Variants in LYPD1 observed in about 807,000 individuals in gnomAD.
The protein encoded by LYPD1 is LY6/PLAUR domain containing 1, also known as ly6/PLAUR domain-containing protein 1.
In LYPD1, 14 loss-of-function variants were observed where a neutral mutation model predicts 14.2. That is an observed-to-expected ratio of 0.99 (90% confidence interval 0.65 to 1.54). The LOEUF is 1.54. Among genes scored for constraint, LYPD1 ranks in the 40% most tolerant of loss-of-function variants. The pLI, the probability that LYPD1 is intolerant of heterozygous loss-of-function variation, is 0.00. For missense variants in LYPD1, 165 were observed against 175.7 expected, an observed-to-expected ratio of 0.94 and a Z score of 0.34; for synonymous variants, 85 against 70.6, an observed-to-expected ratio of 1.20 and a Z score of -1.02.
At chr2:132,652,388 G>A (rs1682393169) in intron 2 of LYPD1, among the ~76,000 whole-genome samples, 1 of 152,170 alleles carries the variant, frequency 6.6e-6, no homozygotes, top group Non-Finnish European at 1.5e-5. Flanking sequence ...GACTGGTTTT[G>A]AGTAGGATTT....
At position 132,668,411 on chromosome 2, in the gene LYPD1, T is replaced by A. The variant is rs1015813573; in HGVS notation, c.179A>T (p.Glu60Val). Residue 60 changes from glutamate to valine, a missense_variant, in exon 2 of 3, where the codon GAG (glutamate) becomes GTG (valine). Coordinates refer to ENST00000397463, the MANE Select transcript of LYPD1 (RefSeq NM_144586.7). The part of the protein sequence containing the change: ...VQDMCQKEVM[E>V]QSAGIMYRKS... ...TGCCAGGCTCTTACCGGCACTTTGC[T>A]CCATCACTTCTTTCTGACACATGTC... The A allele has an allele frequency of 1.2e-6, 2 of 1,604,490 alleles. No individual in the cohort carries two copies.
At chr2:132,658,795 C>A (rs973237630) in intron 2 of LYPD1, among the ~76,000 whole-genome samples, 1 of 152,080 alleles carries the variant, frequency 6.6e-6, no homozygotes, top group African/African-American at 2.4e-5. Flanking sequence ...TGGGTGAGGA[C>A]CAGGGGGCAT....
chr2:132,660,125 T>C (rs191919472), intron 2 of LYPD1, among the ~76,000 whole-genome samples: 5 of 152,310 alleles, frequency 3.3e-5, no homozygotes, highest in Admixed American at 3.3e-4. Context: ...CACAAAGAAG[T>C]CCAAGAAATA....
chr2:132,645,164 C>T lies in LYPD1; in HGVS notation c.*881G>A, dbSNP rs749641131. 9.3e-6 allele frequency: 15 copies of T among 1,614,038 alleles called. No individual in the cohort carries two copies. Among genetic ancestry groups the T allele is most frequent in the Middle Eastern group, 1.6e-4 (1 of 6,084 alleles). Reference sequence around the variant, plus strand: ...AACCAGATTCGGAGGATCATGGCTGCGGCCAAACCCAAGCACGACTGGACG... The same window carrying T: ...AACCAGATTCGGAGGATCATGGCTGTGGCCAAACCCAAGCACGACTGGACG... On this transcript the variant is annotated 3_prime_UTR_variant, in exon 3 of 3. Transcript: ENST00000397463.
intron 2 of LYPD1, among the ~76,000 whole-genome samples, chr2:132,661,941 G>A (rs1221022981): frequency 1.8e-4 from 25 of 142,428 alleles, no homozygotes; most frequent in African/African-American, 5.0e-4. Flanking sequence ...CACCACAGCG[G>A]AAAAAAAAAA....
Position 132,646,472 on chromosome 2 carries a change from C to G in LYPD1, c.191-192G>C, listed in dbSNP as rs1438716750. On this transcript the variant is annotated intron_variant, in intron 2 of 2. Transcript: ENST00000397463. ...ATGGTGAAAGAGACAGGCACTATTTCATTAGTTTTAACAAAACTGTTCCAA... is the reference window on the plus strand; with the variant it reads ...ATGGTGAAAGAGACAGGCACTATTTGATTAGTTTTAACAAAACTGTTCCAA... 1.2e-5 allele frequency: 5 copies of G among 406,706 alleles called. 1 individual carries two copies. Among genetic ancestry groups the G allele is most frequent in the Non-Finnish European group, 2.2e-5 (5 of 231,538 alleles). The allele number at this position is 406,706 out of a possible 1,614,324, so 25.2% of individuals were successfully genotyped here.
chr2:132,658,262 A>G (rs1682720308), intron 2 of LYPD1, among the ~76,000 whole-genome samples: 1 of 152,238 alleles, frequency 6.6e-6, no homozygotes, highest in Admixed American at 6.5e-5. Flanking sequence ...TCACCTATGT[A>G]GACTATCTTG....
intron 2 of LYPD1, among the ~76,000 whole-genome samples, chr2:132,654,462 C>A (rs957438045): frequency 3.3e-5 from 5 of 151,850 alleles, no homozygotes; most frequent in Non-Finnish European, 4.4e-5. Flanking sequence ...CTGTGCTACA[C>A]GTACCCCCAA....
intron 2 of LYPD1, among the ~76,000 whole-genome samples, chr2:132,649,384 C>T (rs925414687): frequency 6.6e-6 from 1 of 152,006 alleles, no homozygotes; most frequent in African/African-American, 2.4e-5. Flanking sequence ...TTGGAGTCTG[C>T]AAAGAAGTGG....
intron 2 of LYPD1, among the ~76,000 whole-genome samples, chr2:132,649,846 A>C (rs193072275): frequency 6.6e-6 from 1 of 152,298 alleles, no homozygotes; most frequent in Admixed American, 6.5e-5. Flanking sequence ...AAAACCCCAT[A>C]AAAGTACTAA....
intron 2 of LYPD1, among the ~76,000 whole-genome samples, chr2:132,656,482 CAAAG>C (rs914904546): frequency 6.6e-5 from 10 of 152,202 alleles, no homozygotes; most frequent in African/African-American, 2.4e-4. Flanking sequence ...TCACTGAGCT[CAAAG>C]AAACTGCAAG....
At chr2:132,670,646 G>T (rs574814761), upstream of LYPD1, among the ~76,000 whole-genome samples, 1 of 152,228 alleles carries the variant, frequency 6.6e-6, no homozygotes, top group African/African-American at 2.4e-5. The surrounding 1 kb of genome is among the most constrained non-coding windows in gnomAD (Gnocchi z 4.5). Context: ...GCGGGCCGCG[G>T]GAGCCTGGCG....
intron 2 of LYPD1, among the ~76,000 whole-genome samples, chr2:132,649,858 C>T (rs576012878): frequency 1.3e-4 from 20 of 151,978 alleles, no homozygotes; most frequent in Middle Eastern, 3.4e-3. Context: ...AAGTACTAAA[C>T]GACACTTTGG....
intron 2 of LYPD1, chr2:132,663,252 C>T (rs1683071006): frequency 6.6e-6 from 1 of 152,020 alleles, no homozygotes; most frequent in Admixed American, 6.6e-5. Flanking sequence ...TTTTGATATC[C>T]AAATATGTTT....
At chr2:132,646,690 A>ATAAGC (rs1245815340) in intron 2 of LYPD1, 2 of 158,420 alleles carry the variant, frequency 1.3e-5, no homozygotes, top group African/African-American at 4.8e-5. Context: ...ATTTTGCTTT[A>ATAAGC]TAAGCGGCCA....
Position 132,645,763 on chromosome 2 carries a change from T to C in LYPD1, c.*282A>G. ...GCCCACCTCAGTGACTTCTAAGGAC[T>C]GACTCTGCCAGCCTGGCCTTGACTC... On this transcript the variant is annotated 3_prime_UTR_variant, in exon 3 of 3. Coordinates refer to ENST00000397463, the MANE Select transcript of LYPD1 (RefSeq NM_144586.7). 9.4e-7 allele frequency: 1 copy of C among 1,065,978 alleles called. No homozygotes were observed. Among genetic ancestry groups the C allele is most frequent in the South Asian group, 1.7e-5 (1 of 59,230 alleles). The allele number at this position is 1,065,978 out of a possible 1,614,324, so 66.0% of individuals were successfully genotyped here. A position where few individuals can be genotyped will look rare whatever the true frequency, so the allele number is the denominator to read the frequency against.
Position 132,670,085 on chromosome 2 carries a change from G to A in LYPD1, c.-153C>T. The A allele has an allele frequency of 6.8e-7, 1 of 1,479,264 alleles. No individual in the cohort carries two copies. Among genetic ancestry groups the A allele is most frequent in the Non-Finnish European group, 8.9e-7 (1 of 1,122,988 alleles). 91.6% of individuals were successfully genotyped at this position (1,479,264 alleles called of 1,614,324 possible). A position where few individuals can be genotyped will look rare whatever the true frequency, so the allele number is the denominator to read the frequency against. ...ACGGTCGTAGCTTAGAGGAGCCGCA[G>A]GTGCCGCTCGCGGAGCCTGCATCGC... is the stretch of plus-strand genomic sequence containing the variant. On this transcript the variant is annotated 5_prime_UTR_variant, in exon 1 of 3. Transcript: ENST00000397463. The surrounding 1 kb of genome is among the most constrained non-coding windows in gnomAD (Gnocchi z 4.5).
rs553882060 is a variant in LYPD1 at position 132,646,604 on chromosome 2, T to TTTTA, written c.191-328_191-325dup. ...TTCACACTGTGTACAAGACACAGCT[T>TTTTA]TTTATTTACTTTGTTTTTGGTTCAA... On this transcript the variant is annotated intron_variant, in intron 2 of 2. Coordinates refer to ENST00000397463, the MANE Select transcript of LYPD1 (RefSeq NM_144586.7). 45 of 228,554 alleles carry TTTTA rather than the reference T, an allele frequency of 2.0e-4. No homozygotes were observed. In the East Asian group the frequency reaches 3.7e-3, roughly 19 times the overall value. 14.2% of individuals were successfully genotyped at this position (228,554 alleles called of 1,614,324 possible). A position where few individuals can be genotyped will look rare whatever the true frequency, so the allele number is the denominator to read the frequency against.
chr2:132,662,592 C>T (rs886950138), intron 2 of LYPD1, among the ~76,000 whole-genome samples: 21 of 2,058 alleles, frequency 0.01, no homozygotes, highest in Admixed American at 0.031. Context: ...GTAGGGAGGG[C>T]GGGCGGGAGA....
Sources: gnomAD v4.1 joint callset for allele counts (sites outside exome capture counted in the v4.1 genomes callset) on GRCh38, gnomAD v4.1.1 for gene constraint, Gnocchi (gnomAD v3.1) non-coding constraint, MANE v1.5 for transcripts, NCBI Gene and HGNC (gene_info 2026-07-23, HGNC 2026-07-21) for gene names.